Variants in IKZF1 observed in about 807,000 individuals in gnomAD.
IKZF1 encodes DNA-binding protein Ikaros.
IKZF1 carries 10 observed loss-of-function variants against 51.7 expected under a neutral mutation model. That is an observed-to-expected ratio of 0.19 (90% CI 0.12 to 0.33). The LOEUF is 0.33. IKZF1 is among the 10% of genes least tolerant of loss of function. The pLI is 1.00. For missense variants in IKZF1, 484 were observed against 707.5 expected, an observed-to-expected ratio of 0.68 and a Z score of 3.58; for synonymous variants, 280 against 282.3, an observed-to-expected ratio of 0.99 and a Z score of 0.08.
At chr7:50,397,104 TCTTGACTCACAC>T (rs1474712320) in intron 7 of IKZF1, among the ~76,000 whole-genome samples, 3 of 152,252 alleles carry the variant, frequency 2.0e-5, no homozygotes, top group Admixed American at 2.0e-4. Flanking sequence ...CTGAGGTTAT[TCTTGACTCACAC>T]CTAAAGATTT....
At chr7:50,314,962 G>A (rs1791144949) in intron 1 of IKZF1, among the ~76,000 whole-genome samples, 1 of 152,242 alleles carries the variant, frequency 6.6e-6, no homozygotes, top group Non-Finnish European at 1.5e-5. Context: ...AGCTGTTTCA[G>A]GACAGGCCCA....
chr7:50,349,499 T>G (rs543372885), intron 3 of IKZF1, among the ~76,000 whole-genome samples: 1 of 151,634 alleles, frequency 6.6e-6, no homozygotes, highest in African/African-American at 2.4e-5. Context: ...GAACAGGGAG[T>G]GGGAACAAAA....
At chr7:50,367,794 GA>G (rs1807404033) in intron 3 of IKZF1, 1 of 544,102 alleles carries the variant, frequency 1.8e-6, no homozygotes, top group African/African-American at 1.9e-5. Flanking sequence ...ATAATGCTGT[GA>G]GTTGACACCT....
At chr7:50,370,960 G>A (rs755000932) in intron 3 of IKZF1, among the ~76,000 whole-genome samples, 6 of 152,136 alleles carry the variant, frequency 3.9e-5, no homozygotes, top group African/African-American at 9.7e-5. Flanking sequence ...AGGAGTGAGC[G>A]ATTTAGGAAC....
intron 3 of IKZF1, among the ~76,000 whole-genome samples, chr7:50,372,632 G>A (rs1809049580): frequency 6.6e-6 from 1 of 152,214 alleles, no homozygotes; most frequent in Non-Finnish European, 1.5e-5. Context: ...GAGCATCGCA[G>A]TGTCCTTAAT....
intron 6 of IKZF1, among the ~76,000 whole-genome samples, chr7:50,390,600 G>A (rs1008910235): frequency 1.3e-5 from 2 of 152,232 alleles, no homozygotes; most frequent in African/African-American, 4.8e-5. Context: ...GATTGGAGAG[G>A]TAGAGAGGTC....
intron 5 of IKZF1, among the ~76,000 whole-genome samples, 159 bp downstream of exon 5, chr7:50,382,866 C>G (rs1046992372): frequency 1.3e-5 from 2 of 152,068 alleles, no homozygotes; most frequent in African/African-American, 4.8e-5. Context: ...TGACATTGCC[C>G]CATCCCCCCT....
intron 4 of IKZF1, among the ~76,000 whole-genome samples, chr7:50,378,322 C>T (rs899841312): frequency 3.9e-5 from 6 of 152,136 alleles, no homozygotes; most frequent in Middle Eastern, 3.2e-3. Flanking sequence ...CTGAAATAGA[C>T]GGATCACACT....
At chr7:50,377,072 T>C (rs564473442) in intron 4 of IKZF1, 117 of 472,064 alleles carry the variant, frequency 2.5e-4, no homozygotes, top group Admixed American at 3.8e-4. Context: ...GCTGCTATTA[T>C]AGTAACACAT....
chr7:50,376,965 G>GTACA lies in IKZF1; in HGVS notation c.421+173_421+176dup. 2 of 1,146,784 alleles carry GTACA rather than the reference G, an allele frequency of 1.7e-6. No individual in the cohort carries two copies. Among genetic ancestry groups the GTACA allele is most frequent in the South Asian group, 1.7e-5 (1 of 60,546 alleles). 71.0% of individuals were successfully genotyped at this position (1,146,784 alleles called of 1,614,324 possible). A position where few individuals can be genotyped will look rare whatever the true frequency, so the allele number is the denominator to read the frequency against. ...ACCGAGTCATAGAGTCCTTGTTCTG[G>GTACA]TACAGCCTTGTAAAGGACTTCTCAA... On this transcript the variant is annotated intron_variant, in intron 4 of 7. Coordinates refer to ENST00000331340, the MANE Select transcript of IKZF1 (RefSeq NM_006060.6). The surrounding 1 kb of genome is among the most constrained non-coding windows in gnomAD (Gnocchi z 4.5).
At chr7:50,378,759 C>T (rs894788522) in intron 4 of IKZF1, among the ~76,000 whole-genome samples, 4 of 152,208 alleles carry the variant, frequency 2.6e-5, no homozygotes, top group African/African-American at 7.2e-5. Context: ...TTTTCACTTA[C>T]GGAACAAATA....
At chr7:50,307,236 A>G (rs1308500324) in intron 1 of IKZF1, among the ~76,000 whole-genome samples, 3 of 152,264 alleles carry the variant, frequency 2.0e-5, no homozygotes, top group African/African-American at 4.8e-5. Context: ...CGAAGAATTC[A>G]TCAAGGATAT....
At chr7:50,308,879 T>C (rs183264036) in intron 1 of IKZF1, 75 of 152,556 alleles carry the variant, frequency 4.9e-4, no homozygotes, top group African/African-American at 1.7e-3. Flanking sequence ...CAGCTCTCAC[T>C]TGGCCTTGGC....
chr7:50,387,570 C>T, intron 6 of IKZF1, 100 bp downstream of exon 6: 3 of 1,399,992 alleles, frequency 2.1e-6, no homozygotes, highest in Non-Finnish European at 2.8e-6. Context: ...GAGCCTTGGG[C>T]CTGCTTCCTG....
At chr7:50,379,822 A>G (rs1170929064) in intron 4 of IKZF1, among the ~76,000 whole-genome samples, 1 of 152,200 alleles carries the variant, frequency 6.6e-6, no homozygotes, top group Non-Finnish European at 1.5e-5. Flanking sequence ...CTCAAATTCT[A>G]TGACATAGTA....
intron 3 of IKZF1, among the ~76,000 whole-genome samples, chr7:50,357,899 G>A (rs530884511): frequency 2.0e-5 from 3 of 152,296 alleles, no homozygotes; most frequent in African/African-American, 4.8e-5. Flanking sequence ...TAGGCAGGTC[G>A]GGTGACCATC....
intron 3 of IKZF1, among the ~76,000 whole-genome samples, chr7:50,374,775 G>C (rs1488914746): frequency 2.0e-5 from 3 of 152,192 alleles, no homozygotes; most frequent in African/African-American, 7.2e-5. Context: ...GAAGTTACAT[G>C]ACTTGCCTAA....
chr7:50,382,835 G>T, intron 5 of IKZF1, 128 bp downstream of exon 5: 4 of 1,190,026 alleles, frequency 3.4e-6, no homozygotes, highest in Non-Finnish European at 4.6e-6. Flanking sequence ...GTCCTGCATC[G>T]GGTGTGAGCT....
chr7:50,307,329 T>G (rs544431915), intron 1 of IKZF1, among the ~76,000 whole-genome samples: 2 of 152,310 alleles, frequency 1.3e-5, no homozygotes, highest in African/African-American at 4.8e-5. Flanking sequence ...TGTTGGTTCT[T>G]GTCATATTCT....
Sources: gnomAD v4.1 joint callset for allele counts (sites outside exome capture counted in the v4.1 genomes callset) on GRCh38, gnomAD v4.1.1 for gene constraint, Gnocchi (gnomAD v3.1) non-coding constraint, MANE v1.5 for transcripts, NCBI Gene and HGNC (gene_info 2026-07-23, HGNC 2026-07-21) for gene names.